Variants in NBPF11 observed in about 807,000 individuals in gnomAD.
NBPF11 encodes NBPF member 11, also known as NBPF family member NBPF11.
Under a neutral mutation model 93.9 loss-of-function variants are expected in NBPF11, and 72 were observed. The observed-to-expected ratio is 0.77, with a 90% CI of 0.63 to 0.93. The LOEUF (loss-of-function observed/expected upper bound fraction) is 0.93, where lower values mean the gene tolerates loss of function less well. NBPF11 is among the 40% of genes least tolerant of loss of function. The pLI is 0.00. For synonymous variants in NBPF11, 224 were observed against 304.9 expected (o/e 0.73, Z 2.76); for missense variants, 705 against 802.2 (o/e 0.88, Z 1.46).
In NBPF11 at chr1:148,124,999, ACT is replaced by A. The variant is rs1668769190; in HGVS notation, c.176_177del (p.Lys59IlefsTer2). 6.3e-7 allele frequency: 1 copy of A among 1,589,138 alleles called. No individual in the cohort carries two copies. Among genetic ancestry groups the A allele is most frequent in the South Asian group, 1.1e-5 (1 of 90,684 alleles). On this transcript the variant is annotated frameshift_variant and splice_region_variant, in exon 6 of 24. Coordinates refer to ENST00000682118, the MANE Select transcript of NBPF11 (RefSeq NM_001385469.3). LOFTEE classifies it high-confidence loss of function. The part of the protein sequence containing the change: ...GFLANRQKKY[K>X]YEECKDLIKF... ...TTTATGAGGTCTTTACACTCTTCATACTCTGAGAAAAGACAGACACGCCTGCC... is the reference window on the plus strand; with the variant it reads ...TTTATGAGGTCTTTACACTCTTCATACTGAGAAAAGACAGACACGCCTGCC...
intron 15 of NBPF11, among the ~76,000 whole-genome samples, chr1:148,112,547 C>A (rs1665547040): frequency 7.1e-6 from 1 of 141,662 alleles, no homozygotes; most frequent in South Asian, 2.2e-4. Context: ...TTAATCCAGT[C>A]TATCATTGCT....
chr1:148,146,559 C>T (rs1387937057), intron 1 of NBPF11: 29 of 1,605,480 alleles, frequency 1.8e-5, no homozygotes, highest in Non-Finnish European at 2.4e-5. Context: ...CCTTGGGGAC[C>T]CTGAGAGCCT....
At chr1:148,125,193 C>T (rs1458787707) in intron 5 of NBPF11, among the ~76,000 whole-genome samples, 192 bp from the exon 6 acceptor site, 4 of 151,536 alleles carry the variant, frequency 2.6e-5, no homozygotes, top group Non-Finnish European at 4.4e-5. Context: ...AATTTAAAGA[C>T]GAAGAAAGAG....
In NBPF11 at chr1:148,110,999, A is replaced by G. The variant is rs1355055900; in HGVS notation, c.1638-458T>C. Among the ~76,000 whole-genome samples the G allele has an allele frequency of 3.3e-5, 5 of 151,754 alleles. No individual in the cohort carries two copies. In the East Asian group the frequency reaches 9.6e-4, roughly 29 times the overall value. Reference sequence around the variant, plus strand: ...TTACTTTTTCAATTTCTTTTCTTGCAAAAATACTAGCCAACATACTACCAA... The same window carrying G: ...TTACTTTTTCAATTTCTTTTCTTGCGAAAATACTAGCCAACATACTACCAA... On this transcript the variant is annotated intron_variant, in intron 15 of 23. Transcript: ENST00000682118.
At chr1:148,137,546 T>G (rs1387661530) in intron 3 of NBPF11, among the ~76,000 whole-genome samples, 165 bp downstream of exon 3, 1 of 151,434 alleles carries the variant, frequency 6.6e-6, no homozygotes, top group African/African-American at 2.4e-5. Context: ...TTCAAACCAC[T>G]GGTTTGTGGT....
Position 148,102,458 on chromosome 1 carries a change from T to TA in NBPF11, c.*1437dup, listed in dbSNP as rs1170368222. On this transcript the variant is annotated 3_prime_UTR_variant, in exon 24 of 24. Coordinates refer to ENST00000682118, the MANE Select transcript of NBPF11 (RefSeq NM_001385469.3). The stretch of plus-strand genomic sequence containing the variant: ...GTGTCTCTAAAAGGGACAGATCTCC[T>TA]AGACCCCTCCTTAACCAAGTAACCA... 6.6e-6 allele frequency: 1 copy of TA among 151,892 alleles called. No individual in the cohort carries two copies. Among genetic ancestry groups the TA allele is most frequent in the Non-Finnish European group, 1.5e-5 (1 of 68,034 alleles). 9.4% of individuals were successfully genotyped at this position (151,892 alleles called of 1,614,324 possible).
At chr1:148,150,153 C>CT (rs56775503) in intron 1 of NBPF11, among the ~76,000 whole-genome samples, 18,316 of 134,772 alleles carry the variant, frequency 0.14, 1,414 homozygotes, top group East Asian at 0.26. Context: ...ATGACCTGTA[C>CT]TTTTTTTTTT....
intron 11 of NBPF11, 115 bp downstream of exon 11, chr1:148,118,505 G>A: frequency 1.2e-6 from 1 of 841,986 alleles, no homozygotes; most frequent in Non-Finnish European, 2.0e-6. Context: ...AACCTGCCAT[G>A]GCAATTCCTG....
chr1:148,108,842 G>GACACACACACACACAC (rs71270029), intron 17 of NBPF11, among the ~76,000 whole-genome samples, 188 bp from the exon 18 acceptor site: 41 of 112,892 alleles, frequency 3.6e-4, no homozygotes, highest in Non-Finnish European at 4.6e-4. Context: ...GAAAGAGAAA[G>GACACACACACACACAC]ACACACACAC....
intron 22 of NBPF11, 38 bp from the exon 23 acceptor site, chr1:148,104,683 G>A: frequency 4.5e-6 from 2 of 448,734 alleles, no homozygotes; most frequent in South Asian, 4.3e-5. Flanking sequence ...ACATTAAGCT[G>A]ATTCCCCTAC....
At chr1:148,131,524 A>G (rs1386913758) in intron 4 of NBPF11, among the ~76,000 whole-genome samples, 18 of 147,748 alleles carry the variant, frequency 1.2e-4, no homozygotes, top group Middle Eastern at 6.8e-3. Flanking sequence ...TTAATCACTT[A>G]TGTATTTAGA....
chr1:148,121,372 C>T (rs1226955385), intron 9 of NBPF11, among the ~76,000 whole-genome samples: 1 of 106,772 alleles, frequency 9.4e-6, no homozygotes, highest in African/African-American at 3.8e-5. Flanking sequence ...TTTTGAGATG[C>T]AGTCTCGCTC....
intron 9 of NBPF11, among the ~76,000 whole-genome samples, chr1:148,121,498 C>T (rs1319678461): frequency 6.6e-6 from 1 of 151,320 alleles, no homozygotes; most frequent in African/African-American, 2.4e-5. Flanking sequence ...CAGGCGCCCA[C>T]CACCGCGCCC....
chr1:148,119,281 G>A (rs1243346985), intron 10 of NBPF11, among the ~76,000 whole-genome samples: 2 of 151,508 alleles, frequency 1.3e-5, no homozygotes, highest in East Asian at 3.9e-4. Flanking sequence ...GAAATCCTAT[G>A]CCCAAATGCT....
intron 10 of NBPF11, 77 bp downstream of exon 10, chr1:148,120,424 G>A (rs1667557655): frequency 2.5e-6 from 2 of 790,024 alleles, no homozygotes; most frequent in Non-Finnish European, 4.7e-6. Context: ...ATTTTTGATG[G>A]AGAGAGCACT....
intron 18 of NBPF11, 114 bp downstream of exon 18, chr1:148,108,368 G>A (rs1350402382): frequency 1.4e-6 from 1 of 739,132 alleles, no homozygotes; most frequent in African/African-American, 1.7e-5. Context: ...GTGCCTATAG[G>A]TCCTCCCTGT....
chr1:148,150,955 C>G (rs1648155340), intron 1 of NBPF11, among the ~76,000 whole-genome samples: 1 of 151,860 alleles, frequency 6.6e-6, no homozygotes, highest in Admixed American at 6.6e-5. Context: ...TCTCAATCTC[C>G]TGACCTCATG....
In NBPF11 at chr1:148,127,145, G is replaced by A. The variant is rs1210186369; in HGVS notation, c.-35-107C>T. The A allele has an allele frequency of 2.4e-5, 10 of 412,688 alleles. No homozygotes were observed. In the East Asian group the frequency reaches 3.8e-4, roughly 16 times the overall value. The allele number at this position is 412,688 out of a possible 1,614,324, so 25.6% of individuals were successfully genotyped here. A position where few individuals can be genotyped will look rare whatever the true frequency, so the allele number is the denominator to read the frequency against. ...TAACTGAAATTCTTAACTTACTGTT[G>A]TGAAAAATGTGATCACTCCCCACAG... On this transcript the variant is annotated intron_variant, in intron 4 of 23. Transcript: ENST00000682118.
intron 13 of NBPF11, among the ~76,000 whole-genome samples, 196 bp downstream of exon 13, chr1:148,116,267 G>T (rs1265621151): frequency 8.6e-5 from 13 of 152,036 alleles, no homozygotes; most frequent in African/African-American, 2.7e-4. Context: ...TCCCTGTACG[G>T]TGCAGACATG....
Sources: allele counts gnomAD v4.1 joint callset (sites outside exome capture counted in the v4.1 genomes callset), GRCh38; gene constraint gnomAD v4.1.1; transcripts MANE v1.5; gene names NCBI Gene and HGNC (gene_info 2026-07-23, HGNC 2026-07-21).